Variants in SYK observed in about 807,000 individuals in gnomAD.
The protein encoded by SYK is spleen associated tyrosine kinase.
Under a neutral mutation model 77.8 loss-of-function variants are expected in SYK, and 16 were observed. The observed-to-expected ratio is 0.21, with a 90% CI of 0.14 to 0.31. SYK has a LOEUF of 0.31. Among genes scored for constraint, SYK ranks in the 10% least tolerant of loss-of-function variants. The pLI, the probability that SYK is intolerant of heterozygous loss-of-function variation, is 1.00. For missense variants in SYK, 529 were observed against 814.4 expected (o/e 0.65, Z 4.26); for synonymous variants, 312 against 308.7 (o/e 1.01, Z -0.11).
At chr9:90,856,112 C>A (rs148052179) in intron 3 of SYK, among the ~76,000 whole-genome samples, 1 of 152,330 alleles carries the variant, frequency 6.6e-6, no homozygotes, top group East Asian at 1.9e-4. Context: ...ATGAGTCAGA[C>A]AGGCCCTGCC....
chr9:90,838,117 A>G (rs1587840779), intron 1 of SYK, among the ~76,000 whole-genome samples: 3 of 152,224 alleles, frequency 2.0e-5, no homozygotes, highest in African/African-American at 7.2e-5. Flanking sequence ...GTGGAGGTCA[A>G]CTTGTCTGTT....
intron 1 of SYK, among the ~76,000 whole-genome samples, chr9:90,812,439 T>G (rs1432442739): frequency 6.6e-6 from 1 of 152,214 alleles, no homozygotes; most frequent in Admixed American, 6.5e-5. Context: ...TGCACCCTGC[T>G]GTCACTCAGG....
chr9:90,890,325 G>A (rs1175754301), intron 13 of SYK, among the ~76,000 whole-genome samples: 2 of 152,208 alleles, frequency 1.3e-5, no homozygotes, highest in Admixed American at 6.5e-5. Context: ...CTCCATGGAC[G>A]CACGTAACAG....
At chr9:90,833,064 C>T (rs1825949510) in intron 1 of SYK, among the ~76,000 whole-genome samples, 1 of 152,174 alleles carries the variant, frequency 6.6e-6, no homozygotes, top group Non-Finnish European at 1.5e-5. Context: ...AGCATCTTTC[C>T]AATGAGGCAT....
At chr9:90,830,663 G>T (rs1825853485) in intron 1 of SYK, among the ~76,000 whole-genome samples, 2 of 143,088 alleles carry the variant, frequency 1.4e-5, no homozygotes, top group South Asian at 4.3e-4. Context: ...TCTGCTCACT[G>T]CAAACTCCGC....
At chr9:90,881,935 C>A (rs905821420) in intron 11 of SYK, among the ~76,000 whole-genome samples, 7 of 152,104 alleles carry the variant, frequency 4.6e-5, no homozygotes, top group Admixed American at 4.6e-4. Context: ...AGGGTTTGGT[C>A]CAATCAGTCA....
At chr9:90,879,433 C>T (rs71494431) in intron 11 of SYK, among the ~76,000 whole-genome samples, 28,697 of 152,136 alleles carry the variant, frequency 0.19, 3,077 homozygotes, top group Admixed American at 0.3. Flanking sequence ...GGAACACTGT[C>T]CCACAGCATG....
intron 3 of SYK, among the ~76,000 whole-genome samples, chr9:90,855,686 G>A (rs1025337892): frequency 5.3e-5 from 8 of 151,764 alleles, no homozygotes; most frequent in Non-Finnish European, 7.4e-5. Context: ...GTGTGTGTGT[G>A]TGGGTGTGTG....
intron 3 of SYK, among the ~76,000 whole-genome samples, chr9:90,856,344 A>G (rs1028658675): frequency 6.6e-6 from 1 of 152,154 alleles, no homozygotes; most frequent in Non-Finnish European, 1.5e-5. Flanking sequence ...TTTTTTCTTC[A>G]AATATTGCTC....
intron 3 of SYK, among the ~76,000 whole-genome samples, chr9:90,854,244 C>T (rs986771913): frequency 2.6e-5 from 4 of 152,148 alleles, no homozygotes; most frequent in Non-Finnish European, 4.4e-5. Context: ...TCAGCTGCCC[C>T]GAGTGTGCAG....
chr9:90,865,482 AT>A (rs1463118926), intron 6 of SYK, among the ~76,000 whole-genome samples: 4 of 151,618 alleles, frequency 2.6e-5, no homozygotes, highest in Non-Finnish European at 5.9e-5. Context: ...TAATTTTTGT[AT>A]TTTTTAGTAG....
chr9:90,843,962 C>T lies in SYK; in HGVS notation c.64C>T (p.Arg22Trp), dbSNP rs1564088424. ...HLPFFFGNIT[R>W]EEAEDYLVQG... ...GCCCTTCTTTTTCGGCAACATCACC[C>T]GGGAGGAGGCAGAAGATTACCTGGT... Residue 22 changes from arginine (R) to tryptophan (W), a missense_variant, in exon 2 of 14, where the codon CGG becomes TGG. Physicochemically the swap from Arg to Trp is moderately radical, Grantham distance 101. Transcript: ENST00000375754. 1.9e-6 allele frequency: 3 copies of T among 1,591,512 alleles called. No homozygotes were observed. The highest frequency in any genetic ancestry group is 2.6e-6 in the Non-Finnish European group (3 of 1,168,856).
chr9:90,846,003 G>C (rs1024153838), intron 3 of SYK, among the ~76,000 whole-genome samples: 6 of 152,164 alleles, frequency 3.9e-5, no homozygotes, highest in African/African-American at 1.4e-4. Flanking sequence ...CATGAAACAA[G>C]ATGCCAACAG....
At chr9:90,886,659 C>T (rs1246786283) in intron 11 of SYK, among the ~76,000 whole-genome samples, 1 of 152,062 alleles carries the variant, frequency 6.6e-6, no homozygotes, top group African/African-American at 2.4e-5. Context: ...GAGCTGAAAT[C>T]ACACTACTGC....
At chr9:90,849,103 C>T (rs1008446409) in intron 3 of SYK, among the ~76,000 whole-genome samples, 3 of 152,196 alleles carry the variant, frequency 2.0e-5, no homozygotes, top group African/African-American at 7.2e-5. Context: ...CTGGGAGGAC[C>T]CTGCTTTGGG....
intron 1 of SYK, among the ~76,000 whole-genome samples, chr9:90,823,339 G>A (rs1431341859): frequency 6.6e-6 from 1 of 152,138 alleles, no homozygotes; most frequent in East Asian, 1.9e-4. Flanking sequence ...TCTCACAAAA[G>A]TTGATAGACC....
At chr9:90,862,496 A>ACACACCTGGAC (rs1464572787) in intron 4 of SYK, 152 bp downstream of exon 4, 1 of 921,506 alleles carries the variant, frequency 1.1e-6, no homozygotes, top group Non-Finnish European at 1.5e-6. Flanking sequence ...CATGAGAAAC[A>ACACACCTGGAC]CACACCTGGA....
intron 7 of SYK, among the ~76,000 whole-genome samples, chr9:90,868,620 A>T (rs1371143636): frequency 6.6e-6 from 1 of 152,240 alleles, no homozygotes; most frequent in Non-Finnish European, 1.5e-5. Flanking sequence ...AATGTTGTTT[A>T]ACTTCATGAG....
intron 1 of SYK, among the ~76,000 whole-genome samples, chr9:90,814,939 C>T (rs780542094): frequency 7.9e-5 from 12 of 152,134 alleles, no homozygotes; most frequent in Admixed American, 5.2e-4. Flanking sequence ...GCCCTCCAAG[C>T]GGTAACACAG....
Sources: allele counts gnomAD v4.1 joint callset (sites outside exome capture counted in the v4.1 genomes callset), GRCh38; gene constraint gnomAD v4.1.1; transcripts MANE v1.5; gene names NCBI Gene and HGNC (gene_info 2026-07-23, HGNC 2026-07-21).